ARFGAP3: variants seen among roughly 807,000 people sequenced by gnomAD.
ARFGAP3 encodes the protein ARF GTPase activating protein 3.
In ARFGAP3, 72 loss-of-function variants were observed where a neutral mutation model predicts 75.0. That is an observed-to-expected ratio of 0.96 (90% confidence interval 0.79 to 1.17). The LOEUF (loss-of-function observed/expected upper bound fraction) is 1.17. Ranked by LOEUF, ARFGAP3 falls within the 50% of genes most tolerant of loss-of-function variation. ARFGAP3 has a pLI of 0.00. For missense variants in ARFGAP3, 620 were observed against 626.6 expected (o/e 0.99, Z 0.11); for synonymous variants, 221 against 217.9 (o/e 1.01, Z -0.13).
At chr22:42,846,583 A>G (rs545448105) in intron 2 of ARFGAP3, among the ~76,000 whole-genome samples, 1 of 152,320 alleles carries the variant, frequency 6.6e-6, no homozygotes, top group South Asian at 2.1e-4. Context: ...ATAAAAGGAG[A>G]AAAAAGACCT....
chr22:42,798,922 A>T (rs1219077921), intron 15 of ARFGAP3, 117 bp downstream of exon 15: 29 of 840,532 alleles, frequency 3.5e-5, no homozygotes, highest in Non-Finnish European at 5.7e-5. Context: ...TGTAGCAAAC[A>T]TATCGATCCA....
At chr22:42,817,028 A>T in intron 11 of ARFGAP3, 114 bp downstream of exon 11, 1 of 804,988 alleles carries the variant, frequency 1.2e-6, no homozygotes, top group Non-Finnish European at 2.0e-6. Context: ...CAGAGCTTTT[A>T]AAAACAGTGA....
intron 6 of ARFGAP3, 92 bp from the exon 7 acceptor site, chr22:42,827,091 T>TAA: frequency 6.6e-7 from 1 of 1,519,364 alleles, no homozygotes; most frequent in Non-Finnish European, 8.8e-7. Context: ...CAGTGCTACA[T>TAA]CTTATCCAAT....
At chr22:42,852,864 A>C (rs896402291) in intron 1 of ARFGAP3, among the ~76,000 whole-genome samples, 3 of 152,108 alleles carry the variant, frequency 2.0e-5, no homozygotes, top group African/African-American at 7.2e-5. Flanking sequence ...TCCTGGATTC[A>C]AGCGATTCTC....
chr22:42,830,085 A>G (rs1050874998), intron 6 of ARFGAP3, among the ~76,000 whole-genome samples: 1 of 152,156 alleles, frequency 6.6e-6, no homozygotes, highest in African/African-American at 2.4e-5. Flanking sequence ...CCTTATACCT[A>G]TAACTCAATA....
chr22:42,856,182 C>G (rs1927487279), intron 1 of ARFGAP3, among the ~76,000 whole-genome samples: 1 of 152,232 alleles, frequency 6.6e-6, no homozygotes, highest in Non-Finnish European at 1.5e-5. Flanking sequence ...CTCACCTAGG[C>G]TGGAAAAAAT....
chr22:42,801,517 A>G (rs1344789557), intron 14 of ARFGAP3, among the ~76,000 whole-genome samples: 6 of 152,190 alleles, frequency 3.9e-5, no homozygotes, highest in Non-Finnish European at 7.4e-5. Context: ...CTTGCCTACT[A>G]TGACAGGGAA....
chr22:42,827,572 G>A (rs892363109), intron 6 of ARFGAP3, among the ~76,000 whole-genome samples: 1 of 152,158 alleles, frequency 6.6e-6, no homozygotes, highest in Non-Finnish European at 1.5e-5. Context: ...CTCCATGTTG[G>A]TCAGGCTGGT....
At chr22:42,839,650 A>G (rs115856770) in intron 3 of ARFGAP3, among the ~76,000 whole-genome samples, 2 of 152,010 alleles carry the variant, frequency 1.3e-5, no homozygotes, top group Non-Finnish European at 2.9e-5. Context: ...AAGAAGTTAA[A>G]TATTAATTTA....
intron 2 of ARFGAP3, among the ~76,000 whole-genome samples, chr22:42,842,304 CTTT>C (rs58205841): frequency 0.05 from 6,050 of 120,250 alleles, 218 homozygotes; most frequent in African/African-American, 0.084. Flanking sequence ...CGTGCCTGGC[CTTT>C]TTTTTTTTTT....
In ARFGAP3 at chr22:42,807,110, C is replaced by T. The variant is rs768150657; in HGVS notation, c.1374G>A (p.Ser458=). ...ERLSASSSIS[S]ADLFEEPRKQ... is the part of the protein sequence containing the mutation. ...TCCTCGGCTCCTCGAACAGATCAGC[C>T]GAGCTTATGGAGGAACTTGCCGACA... Residue 458 remains serine, a synonymous_variant, in exon 14 of 16, where the codon TCG becomes TCA. Transcript: ENST00000263245. The T allele has an allele frequency of 3.3e-5, 54 of 1,612,624 alleles. No homozygotes were observed. Among genetic ancestry groups the T allele is most frequent in the East Asian group, 1.6e-4 (7 of 44,902 alleles).
chr22:42,797,738 G>C (rs545623258), intron 15 of ARFGAP3, 133 bp from the exon 16 acceptor site: 3 of 1,580,298 alleles, frequency 1.9e-6, no homozygotes, highest in Non-Finnish European at 2.6e-6. Context: ...GCTGCACCCC[G>C]AGGGTGTGCT....
chr22:42,848,588 T>C (rs541833240), intron 1 of ARFGAP3, among the ~76,000 whole-genome samples: 1 of 152,304 alleles, frequency 6.6e-6, no homozygotes, highest in South Asian at 2.1e-4. Context: ...ACATGCCTTA[T>C]CCTTGAAGCA....
intron 15 of ARFGAP3, among the ~76,000 whole-genome samples, chr22:42,798,027 G>A (rs1032533081): frequency 6.6e-6 from 1 of 152,198 alleles, no homozygotes; most frequent in African/African-American, 2.4e-5. Flanking sequence ...CTAACCTTCT[G>A]TGCCTCAATT....
In ARFGAP3 at chr22:42,810,705, C is replaced by T. The variant is rs371508415; in HGVS notation, c.1196+108G>A. On this transcript the variant is annotated intron_variant, in intron 12 of 15. Coordinates refer to ENST00000263245, the MANE Select transcript of ARFGAP3 (RefSeq NM_014570.5). Reference sequence around the variant, plus strand: ...AAGTGCTGGGATTATGGGAATGAGCCGCCGTGCCCAGCCCCTTACAAGGGT... The same window carrying T: ...AAGTGCTGGGATTATGGGAATGAGCTGCCGTGCCCAGCCCCTTACAAGGGT... The T allele has an allele frequency of 8.6e-5, 80 of 924,874 alleles. 1 individual carries two copies. In the South Asian group the frequency reaches 9.5e-4, roughly 11 times the overall value. 57.3% of individuals were successfully genotyped at this position (924,874 alleles called of 1,614,324 possible).
intron 3 of ARFGAP3, among the ~76,000 whole-genome samples, chr22:42,838,237 G>A (rs1429542006): frequency 6.7e-6 from 1 of 148,982 alleles, no homozygotes; most frequent in Non-Finnish European, 1.5e-5. Context: ...TTAGACCTCT[G>A]ACTTTAACTA....
intron 6 of ARFGAP3, among the ~76,000 whole-genome samples, chr22:42,829,790 A>G (rs1926204896): frequency 6.6e-6 from 1 of 152,216 alleles, no homozygotes; most frequent in Non-Finnish European, 1.5e-5. Flanking sequence ...TCAGGATAAT[A>G]AAAAAGGCTT....
intron 1 of ARFGAP3, among the ~76,000 whole-genome samples, chr22:42,856,875 G>A (rs1484002799): frequency 6.7e-6 from 1 of 150,088 alleles, no homozygotes; most frequent in Non-Finnish European, 1.5e-5. Flanking sequence ...CCGCGCCGCC[G>A]CCCCCGGGAA....
At chr22:42,831,475 C>T in intron 6 of ARFGAP3, 74 bp downstream of exon 6, 1 of 1,485,532 alleles carries the variant, frequency 6.7e-7, no homozygotes, top group Non-Finnish European at 9.3e-7. Flanking sequence ...CCTGGCCCAT[C>T]TTAATTTTTA....
Sources: allele counts gnomAD v4.1 joint callset (sites outside exome capture counted in the v4.1 genomes callset), GRCh38; gene constraint gnomAD v4.1.1; transcripts MANE v1.5; gene names NCBI Gene and HGNC (gene_info 2026-07-23, HGNC 2026-07-21).